Variants in TBC1D2 observed in about 807,000 individuals in gnomAD.
TBC1D2 encodes the protein TBC1 domain family member 2.
TBC1D2 carries 58 observed loss-of-function variants against 91.1 expected under a neutral mutation model. The ratio of observed to expected loss-of-function variants is 0.64; its 90% confidence interval spans 0.52 to 0.79. The LOEUF (loss-of-function observed/expected upper bound fraction) is 0.79, where lower values mean the gene tolerates loss of function less well. Among genes scored for constraint, TBC1D2 ranks in the 30% least tolerant of loss-of-function variants. The pLI, the probability that TBC1D2 is intolerant of heterozygous loss-of-function variation, is 0.00. For missense variants in TBC1D2, 1,080 were observed against 1,208.3 expected, an observed-to-expected ratio of 0.89 and a Z score of 1.57; for synonymous variants, 482 against 511.5, an observed-to-expected ratio of 0.94 and a Z score of 0.78.
chr9:98,243,639 C>T (rs1032476945), intron 3 of TBC1D2, among the ~76,000 whole-genome samples: 4 of 150,360 alleles, frequency 2.7e-5, no homozygotes, highest in Non-Finnish European at 2.9e-5. Flanking sequence ...TGGGTTCAAG[C>T]GATTCTCCTG....
intron 3 of TBC1D2, among the ~76,000 whole-genome samples, chr9:98,237,058 C>G (rs561432220): frequency 6.6e-6 from 1 of 151,986 alleles, no homozygotes; most frequent in Non-Finnish European, 1.5e-5. Flanking sequence ...AGACTTTGGC[C>G]GGGTGCAGTG....
intron 2 of TBC1D2, among the ~76,000 whole-genome samples, chr9:98,245,820 T>C (rs1298515041): frequency 6.6e-6 from 1 of 152,126 alleles, no homozygotes; most frequent in Admixed American, 6.5e-5. Context: ...CACACGCAAA[T>C]ATTAGGGTCA....
At position 98,221,234 on chromosome 9, in the gene TBC1D2, C is replaced by T. The variant is rs1192693606; in HGVS notation, c.979-6G>A. 4 of 1,527,888 alleles carry T rather than the reference C, an allele frequency of 2.6e-6. No homozygotes were observed. The highest frequency in any genetic ancestry group is 3.5e-6 in the Non-Finnish European group (4 of 1,132,514). The allele number at this position is 1,527,888 out of a possible 1,614,324, so 94.6% of individuals were successfully genotyped here. ...TGCAGGATCTTCACTAGCTCCTGGG[C>T]AGGGAGAGGGAAGAATCTTGTGAGC... On this transcript the variant is annotated splice_region_variant and splice_polypyrimidine_tract_variant and intron_variant, in intron 5 of 12. Transcript: ENST00000465784.
chr9:98,199,988 A>G (rs112473584), intron 12 of TBC1D2, among the ~76,000 whole-genome samples: 7 of 152,278 alleles, frequency 4.6e-5, no homozygotes, highest in African/African-American at 1.7e-4. Flanking sequence ...AACTCGTATA[A>G]TTCTGTTTTC....
intron 5 of TBC1D2, among the ~76,000 whole-genome samples, chr9:98,222,782 T>A (rs768370900): frequency 1.9e-4 from 29 of 152,232 alleles, no homozygotes; most frequent in South Asian, 6.2e-4. Context: ...CACCAAAGTA[T>A]TAAAATGAGT....
intron 5 of TBC1D2, among the ~76,000 whole-genome samples, chr9:98,224,280 C>CT (rs1170210699): frequency 0.022 from 2,353 of 107,378 alleles, 68 homozygotes; most frequent in African/African-American, 0.028. Flanking sequence ...TTTTTCTTTT[C>CT]TTTTTTTTTT....
At chr9:98,250,806 G>A (rs1829856725) in intron 2 of TBC1D2, among the ~76,000 whole-genome samples, 1 of 152,188 alleles carries the variant, frequency 6.6e-6, no homozygotes, top group Non-Finnish European at 1.5e-5. Flanking sequence ...TGCAGGGGCA[G>A]CTGTGAGGTG....
chr9:98,205,215 C>T (rs1245191680), intron 9 of TBC1D2, among the ~76,000 whole-genome samples: 1 of 152,214 alleles, frequency 6.6e-6, no homozygotes, highest in Non-Finnish European at 1.5e-5. Flanking sequence ...CCCCCTGAGC[C>T]TCAGAATGGC....
At position 98,199,151 on chromosome 9, in the gene TBC1D2, G is replaced by A. The variant is rs977379360; in HGVS notation, c.*230C>T. On this transcript the variant is annotated 3_prime_UTR_variant, in exon 13 of 13. Transcript: ENST00000465784. The stretch of plus-strand genomic sequence containing the variant: ...CAAAGTGCTCTGTGGAAGAGGTGAC[G>A]AAAGGGTGGCATCCCTGGGTAAGTA... 2.0e-5 allele frequency: 12 copies of A among 602,410 alleles called. No individual in the cohort carries two copies. The highest frequency in any genetic ancestry group is 2.9e-5 in the Non-Finnish European group (10 of 339,050). The allele number at this position is 602,410 out of a possible 1,614,324, so 37.3% of individuals were successfully genotyped here. A position where few individuals can be genotyped will look rare whatever the true frequency, so the allele number is the denominator to read the frequency against.
At chr9:98,236,714 T>C (rs1024134055) in intron 3 of TBC1D2, among the ~76,000 whole-genome samples, 10 of 152,222 alleles carry the variant, frequency 6.6e-5, no homozygotes, top group African/African-American at 2.2e-4. Flanking sequence ...CACAAATGTA[T>C]GTGAAATGTA....
Position 98,228,832 on chromosome 9 carries a change from A to T in TBC1D2, c.978+120T>A. 3 of 975,228 alleles carry T rather than the reference A, an allele frequency of 3.1e-6. No homozygotes were observed. The highest frequency in any genetic ancestry group is 3.1e-6 in the Non-Finnish European group (2 of 652,674). 60.4% of individuals were successfully genotyped at this position (975,228 alleles called of 1,614,324 possible). ...TTCAACATTCTGCAGTTTGGCCTTT[A>T]AAGACCAGAGAGTAGCTGGTGCCCA... On this transcript the variant is annotated intron_variant, in intron 5 of 12. Transcript: ENST00000465784. The surrounding 1 kb of genome is among the most constrained non-coding windows in gnomAD (Gnocchi z 4.0).
rs1190781479 is a variant in TBC1D2, at chr9:98,220,848, C to G, written c.1359G>C (p.Lys453Asn). ...ANRDFLSQQG[K>N]IEHLKDDMEA... ...AGGCCCCTACCTTCAGGTGCTCTATCTTCCCCTGCTGGCTCAGGAAGTCCC... is the reference window on the plus strand; with the variant it reads ...AGGCCCCTACCTTCAGGTGCTCTATGTTCCCCTGCTGGCTCAGGAAGTCCC... Residue 453 changes from lysine (K) to asparagine (N), a missense_variant, in exon 6 of 13, where the codon AAG (lysine) becomes AAC (asparagine). Transcript: ENST00000465784. 6.2e-7 allele frequency: 1 copy of G among 1,614,104 alleles called. No individual in the cohort carries two copies. The highest frequency in any genetic ancestry group is 1.7e-5 in the Admixed American group (1 of 60,026).
chr9:98,251,598 T>C (rs1829875118), intron 2 of TBC1D2, among the ~76,000 whole-genome samples, 187 bp downstream of exon 2: 1 of 152,216 alleles, frequency 6.6e-6, no homozygotes, highest in Non-Finnish European at 1.5e-5. Context: ...TAAAGTTATA[T>C]AGGACTAGGA....
intron 8 of TBC1D2, 45 bp downstream of exon 8, chr9:98,210,611 C>T (rs1440810949): frequency 7.4e-6 from 11 of 1,485,726 alleles, no homozygotes; most frequent in Non-Finnish European, 9.0e-6. Context: ...TGGGGAGGAG[C>T]CGCCAGCTCA....
chr9:98,238,875 AC>A, intron 3 of TBC1D2, among the ~76,000 whole-genome samples: 2 of 149,876 alleles, frequency 1.3e-5, no homozygotes, highest in East Asian at 3.9e-4. Context: ...GGCCTGTACC[AC>A]CATGGCCGGC....
chr9:98,204,644 G>T (rs1828602434), intron 9 of TBC1D2, among the ~76,000 whole-genome samples: 1 of 151,978 alleles, frequency 6.6e-6, no homozygotes, highest in Non-Finnish European at 1.5e-5. Context: ...AAAGAAAAAA[G>T]AAATATCCCT....
intron 3 of TBC1D2, among the ~76,000 whole-genome samples, chr9:98,241,472 G>C (rs1829634661): frequency 6.6e-6 from 1 of 152,222 alleles, no homozygotes; most frequent in Non-Finnish European, 1.5e-5. Context: ...TCACCAAGTA[G>C]TCTGGGGCTC....
In TBC1D2 at chr9:98,243,534, A is replaced by ATTT. The variant is rs368728395; in HGVS notation, c.647+457_647+459dup. ...CATGTACCACTTTTCCAATGAATGT[A>ATTT]TTTTTTTTTTTTTTTTTTTGAGACA... On this transcript the variant is annotated intron_variant, in intron 3 of 12. Coordinates refer to ENST00000465784, the MANE Select transcript of TBC1D2 (RefSeq NM_001267571.2). Among the ~76,000 whole-genome samples the ATTT allele has an allele frequency of 2.5e-3, 311 of 125,296 alleles. 2 individuals are homozygous for ATTT. The highest frequency in any genetic ancestry group is 5.6e-3 in the African/African-American group (179 of 31,752). The allele number at this position is 125,296 out of a possible 152,430, so 82.2% of individuals were successfully genotyped here. A position where few individuals can be genotyped will look rare whatever the true frequency, so the allele number is the denominator to read the frequency against.
intron 4 of TBC1D2, 142 bp downstream of exon 4, chr9:98,233,274 T>C (rs1829416271): frequency 1.7e-6 from 2 of 1,166,046 alleles, no homozygotes; most frequent in Non-Finnish European, 2.3e-6. Context: ...CCACGCAGTC[T>C]ATGGTGTTTC....
Sources: gnomAD v4.1 joint callset for allele counts (sites outside exome capture counted in the v4.1 genomes callset) on GRCh38, gnomAD v4.1.1 for gene constraint, Gnocchi (gnomAD v3.1) non-coding constraint, MANE v1.5 for transcripts, NCBI Gene and HGNC (gene_info 2026-07-23, HGNC 2026-07-21) for gene names.